The following MAP3K1 variants were observed in gnomAD, a reference collection of about 807,000 sequenced individuals.
The protein encoded by MAP3K1 is mitogen-activated protein kinase kinase kinase 1.
MAP3K1 carries 36 observed loss-of-function variants against 144.2 expected under a neutral mutation model. That is an observed-to-expected ratio of 0.25 (90% confidence interval 0.19 to 0.33). The LOEUF is 0.33. Among genes scored for constraint, MAP3K1 ranks in the 10% least tolerant of loss-of-function variants. The probability of loss-of-function intolerance (pLI) is 1.00; values close to 1 mark genes in which losing one functional copy is unlikely to be tolerated. For missense variants in MAP3K1, 1,650 were observed against 1,881.9 expected, an observed-to-expected ratio of 0.88 and a Z score of 2.28; for synonymous variants, 718 against 688.7, an observed-to-expected ratio of 1.04 and a Z score of -0.67.
At chr5:56,823,567 A>G (rs531923015) in intron 1 of MAP3K1, among the ~76,000 whole-genome samples, 3 of 152,370 alleles carry the variant, frequency 2.0e-5, no homozygotes, top group African/African-American at 7.2e-5. Context: ...TATTGAATAA[A>G]TGAATGAGAG....
chr5:56,844,183 G>GTTTTTTTTTTTTTTTT (rs770169813), intron 1 of MAP3K1, among the ~76,000 whole-genome samples: 32 of 76,110 alleles, frequency 4.2e-4, no homozygotes, highest in Admixed American at 7.9e-4. Flanking sequence ...GTTTTTTTTG[G>GTTTTTTTTTTTTTTTT]TTTTTTTTTT....
In MAP3K1 at chr5:56,864,795, A is replaced by G. The variant is rs1561188463; in HGVS notation, c.896A>G (p.Tyr299Cys). ...RAPSPDGFSP[Y>C]SPEETNRRVN... ...CCTTCACCAGATGGCTTCTCACCATATAGCCCTGAGGAAACAAACCGCCGT... is the reference window on the plus strand; with the variant it reads ...CCTTCACCAGATGGCTTCTCACCATGTAGCCCTGAGGAAACAAACCGCCGT... Residue 299 changes from tyrosine (Y) to cysteine (C), a missense_variant, in exon 4 of 20, where the codon TAT becomes TGT. By Grantham distance (194) the Tyr-to-Cys change is radical. Transcript: ENST00000399503. 6.2e-7 allele frequency: 1 copy of G among 1,614,054 alleles called. No individual in the cohort carries two copies. The highest frequency in any genetic ancestry group is 8.5e-7 in the Non-Finnish European group (1 of 1,180,030).
chr5:56,887,672 C>A, intron 18 of MAP3K1, 152 bp downstream of exon 18: 2 of 811,152 alleles, frequency 2.5e-6, no homozygotes, highest in Non-Finnish European at 4.1e-6. Flanking sequence ...ATCTTTCAGA[C>A]CCTTATTCTC....
chr5:56,861,946 C>T (rs1747528157), intron 3 of MAP3K1: 2 of 152,040 alleles, frequency 1.3e-5, no homozygotes, highest in East Asian at 3.9e-4. Context: ...TTAAAAAGTA[C>T]ATTTAAAGCA....
chr5:56,884,566 A>G (rs1369072213), intron 15 of MAP3K1, 98 bp from the exon 16 acceptor site: 10 of 1,111,900 alleles, frequency 9.0e-6, no homozygotes, highest in Non-Finnish European at 1.2e-5. Flanking sequence ...CATAAATGCC[A>G]TCTGTTGCTA....
chr5:56,835,762 G>A (rs897453982), intron 1 of MAP3K1, among the ~76,000 whole-genome samples: 1 of 151,904 alleles, frequency 6.6e-6, no homozygotes, highest in Non-Finnish European at 1.5e-5. Context: ...GGCACAGAGA[G>A]GAAAAAGTTT....
intron 1 of MAP3K1, among the ~76,000 whole-genome samples, chr5:56,855,272 A>G (rs863839): frequency 0.24 from 35,962 of 152,016 alleles, 5,631 homozygotes; most frequent in Non-Finnish European, 0.35. Flanking sequence ...AGCCAAGCAC[A>G]TATAAGTAAA....
intron 1 of MAP3K1, among the ~76,000 whole-genome samples, chr5:56,854,579 A>G (rs1263560269): frequency 3.3e-5 from 5 of 152,208 alleles, no homozygotes; most frequent in Non-Finnish European, 5.9e-5. Context: ...ATTTATGATA[A>G]AAGAAATTGG....
intron 1 of MAP3K1, among the ~76,000 whole-genome samples, chr5:56,823,446 C>T (rs765006589): frequency 6.6e-6 from 1 of 152,214 alleles, no homozygotes; most frequent in Non-Finnish European, 1.5e-5. Flanking sequence ...AGCAGGGTGT[C>T]CCTACTGTCA....
intron 16 of MAP3K1, among the ~76,000 whole-genome samples, chr5:56,885,429 T>G (rs1386201287): frequency 6.6e-6 from 1 of 152,204 alleles, no homozygotes; most frequent in African/African-American, 2.4e-5. Context: ...TAATAAAGAT[T>G]TACACTACAG....
intron 6 of MAP3K1, among the ~76,000 whole-genome samples, chr5:56,871,499 A>C (rs1009099560): frequency 6.6e-6 from 1 of 152,180 alleles, no homozygotes; most frequent in African/African-American, 2.4e-5. Context: ...TAGGCATTTA[A>C]ATTTAGGATG....
intron 1 of MAP3K1, among the ~76,000 whole-genome samples, chr5:56,847,695 T>C (rs559683071): frequency 1.8e-4 from 28 of 152,362 alleles, no homozygotes; most frequent in African/African-American, 6.3e-4. Flanking sequence ...CTTTTAATCA[T>C]AAAATAATCT....
chr5:56,875,109 C>G lies in MAP3K1; in HGVS notation c.1764C>G (p.Ser588=). ...GAGAGATGGCCCTCAGGCGTCTTTCCCATGATGTCAGTGGGGCCCTGCTGT... is the reference window on the plus strand; with the variant it reads ...GAGAGATGGCCCTCAGGCGTCTTTCGCATGATGTCAGTGGGGCCCTGCTGT... ...NVREMALRRL[S]HDVSGALLLA... Residue 588 remains serine (S), a synonymous_variant, in exon 10 of 20, where the codon TCC becomes TCG. Transcript: ENST00000399503. The G allele has an allele frequency of 3.1e-6, 5 of 1,614,132 alleles. No individual in the cohort carries two copies. Among genetic ancestry groups the G allele is most frequent in the Non-Finnish European group, 4.2e-6 (5 of 1,180,036 alleles).
chr5:56,879,318 G>A (rs1354432671), intron 11 of MAP3K1, among the ~76,000 whole-genome samples: 1 of 152,140 alleles, frequency 6.6e-6, no homozygotes, highest in African/African-American at 2.4e-5. Flanking sequence ...AAACTGCATG[G>A]ATCTCCACAT....
chr5:56,817,501 TA>T (rs1249320670), intron 1 of MAP3K1, among the ~76,000 whole-genome samples: 2 of 152,194 alleles, frequency 1.3e-5, no homozygotes, highest in Non-Finnish European at 2.9e-5. Context: ...CCCCAAGAAC[TA>T]AAAAATATGC....
At chr5:56,816,228 C>T (rs1380330282) in intron 1 of MAP3K1, among the ~76,000 whole-genome samples, 173 bp downstream of exon 1, 2 of 152,226 alleles carry the variant, frequency 1.3e-5, no homozygotes, top group African/African-American at 4.8e-5. Flanking sequence ...CGGGCGGCGC[C>T]CCGGACCCAG....
At chr5:56,833,357 C>T (rs1275363293) in intron 1 of MAP3K1, among the ~76,000 whole-genome samples, 1 of 152,196 alleles carries the variant, frequency 6.6e-6, no homozygotes, top group Non-Finnish European at 1.5e-5. Context: ...TGTGCACATA[C>T]ATTAAAAGCA....
At chr5:56,853,257 T>C (rs535456981) in intron 1 of MAP3K1, among the ~76,000 whole-genome samples, 7 of 152,184 alleles carry the variant, frequency 4.6e-5, no homozygotes, top group Non-Finnish European at 7.4e-5. Context: ...ATTTTAAAAT[T>C]AATGACATGT....
rs1194967953 is a variant in MAP3K1, at chr5:56,893,715, T to C, written c.*35T>C. On this transcript the variant is annotated 3_prime_UTR_variant, in exon 20 of 20. Transcript: ENST00000399503. ...CAGATCAACTACAGTAGAAACAGGATGCTCAACAAGAGAAAAAAAACTTGT... is the reference window on the plus strand; with the variant it reads ...CAGATCAACTACAGTAGAAACAGGACGCTCAACAAGAGAAAAAAAACTTGT... 2.7e-5 allele frequency: 43 copies of C among 1,611,540 alleles called. No homozygotes were observed. The highest frequency in any genetic ancestry group is 5.3e-5 in the African/African-American group (4 of 74,860).
Sources: allele counts gnomAD v4.1 joint callset (sites outside exome capture counted in the v4.1 genomes callset), GRCh38; gene constraint gnomAD v4.1.1; transcripts MANE v1.5; gene names NCBI Gene and HGNC (gene_info 2026-07-23, HGNC 2026-07-21).